The following PKD1L1 variants were observed in gnomAD, a reference collection of about 807,000 sequenced individuals.
PKD1L1 encodes polycystin 1 like 1, transient receptor potential channel interacting.
Under a neutral mutation model 323.4 loss-of-function variants are expected in PKD1L1, and 236 were observed. That is an observed-to-expected ratio of 0.73 (90% CI 0.66 to 0.81). The LOEUF (loss-of-function observed/expected upper bound fraction) is 0.81. Ranked by LOEUF, PKD1L1 falls within the 40% of genes least tolerant of loss-of-function variation. The pLI is 0.00. For missense variants in PKD1L1, 3,320 were observed against 3,508.0 expected (o/e 0.95, Z 1.35); for synonymous variants, 1,344 against 1,335.0 (o/e 1.01, Z -0.15).
chr7:47,851,528 T>A (rs1262481679), intron 31 of PKD1L1, among the ~76,000 whole-genome samples: 1 of 152,128 alleles, frequency 6.6e-6, no homozygotes, highest in East Asian at 1.9e-4. Context: ...CATGGTGGAA[T>A]TAGCAAATCA....
Position 47,932,000 on chromosome 7 carries a change from C to T in PKD1L1, c.455G>A (p.Arg152Lys). The T allele has an allele frequency of 6.2e-7, 1 of 1,614,130 alleles. No individual in the cohort carries two copies. The highest frequency in any genetic ancestry group is 8.5e-7 in the Non-Finnish European group (1 of 1,179,980). The change falls in exon 5 of 57, where the codon AGG becomes AAG. Residue 152 changes from arginine to lysine, a missense_variant. Arg to Lys is a conservative substitution (Grantham distance 26, BLOSUM62 2). Coordinates refer to ENST00000289672, the MANE Select transcript of PKD1L1 (RefSeq NM_138295.5). Reference sequence around the variant, plus strand: ...AGCACACAGCCGCCTGTGATGGAACCTGGGGCCACCACTGCTCCAGGCCCT... The same window carrying T: ...AGCACACAGCCGCCTGTGATGGAACTTGGGGCCACCACTGCTCCAGGCCCT... ...IARAWSSGGP[R>K]FHHRRLCATG...
At chr7:47,792,832 C>T in intron 55 of PKD1L1, 35 bp from the exon 56 acceptor site, 1 of 1,559,740 alleles carries the variant, frequency 6.4e-7, no homozygotes, top group Non-Finnish European at 8.8e-7. Flanking sequence ...TAAATGCATT[C>T]AAGAATCTCA....
intron 53 of PKD1L1, 116 bp downstream of exon 53, chr7:47,803,094 A>T (rs1784699843): frequency 7.7e-7 from 1 of 1,293,338 alleles, no homozygotes; most frequent in Middle Eastern, 2.0e-4. Context: ...AGAAGACTGG[A>T]ATTCTAGACG....
At chr7:47,801,243 G>A (rs1784655812) in intron 53 of PKD1L1, among the ~76,000 whole-genome samples, 1 of 152,144 alleles carries the variant, frequency 6.6e-6, no homozygotes, top group African/African-American at 2.4e-5. Context: ...TGAGGGGGCA[G>A]CTCCCTCATG....
chr7:47,950,554 A>T (rs959171113), upstream of PKD1L1, among the ~76,000 whole-genome samples: 2 of 152,016 alleles, frequency 1.3e-5, no homozygotes, highest in Non-Finnish European at 2.9e-5. Context: ...CTAAAAATAC[A>T]AAAAAATTAG....
At chr7:47,919,026 G>T (rs2128753247) in intron 7 of PKD1L1, among the ~76,000 whole-genome samples, 1 of 151,984 alleles carries the variant, frequency 6.6e-6, no homozygotes, top group East Asian at 1.9e-4. Context: ...GATCAGAGCA[G>T]AACTAAATGA....
At chr7:47,814,697 A>G (rs2128730521) in intron 47 of PKD1L1, among the ~76,000 whole-genome samples, 1 of 152,282 alleles carries the variant, frequency 6.6e-6, no homozygotes, top group Admixed American at 6.5e-5. Flanking sequence ...TATTTTTAGT[A>G]GAGACAGGGT....
chr7:47,880,287 T>A lies in PKD1L1; in HGVS notation c.3520+441A>T, dbSNP rs1343999404. 2.4e-3 allele frequency among the ~76,000 whole-genome samples: 243 copies of A among 101,442 alleles called. 1 individual carries two copies. The highest frequency in any genetic ancestry group is 9.6e-3 in the African/African-American group (198 of 20,622). The allele number at this position is 101,442 out of a possible 152,430, so 66.5% of individuals were successfully genotyped here. The stretch of plus-strand genomic sequence containing the variant: ...ATACATATATATATATATATATATT[T>A]TTTTTTTTTTTTTTGAGACAGTCTT... On this transcript the variant is annotated intron_variant, in intron 21 of 56. Transcript: ENST00000289672.
intron 51 of PKD1L1, 29 bp downstream of exon 51, chr7:47,809,444 T>C (rs1324927730): frequency 6.9e-7 from 1 of 1,451,064 alleles, no homozygotes; most frequent in African/African-American, 1.4e-5. Flanking sequence ...TTGTTATTTT[T>C]CAAAAGAAAA....
At chr7:47,784,475 G>A (rs977179019) in intron 56 of PKD1L1, among the ~76,000 whole-genome samples, 14 of 151,910 alleles carry the variant, frequency 9.2e-5, no homozygotes, top group Admixed American at 7.9e-4. Flanking sequence ...TAATACAATA[G>A]CTTCTTTTTT....
intron 7 of PKD1L1, among the ~76,000 whole-genome samples, chr7:47,919,889 G>C (rs746446389): frequency 1.3e-5 from 2 of 152,102 alleles, no homozygotes; most frequent in African/African-American, 2.4e-5. Flanking sequence ...AGCCAACTAT[G>C]ACAGACCCAC....
chr7:47,873,123 G>A (rs908407116), intron 24 of PKD1L1, among the ~76,000 whole-genome samples: 4 of 152,158 alleles, frequency 2.6e-5, no homozygotes, highest in Admixed American at 2.6e-4. Context: ...CAAACCTGTA[G>A]ATATTAAATA....
intron 46 of PKD1L1, chr7:47,819,991 G>T (rs950420328): frequency 4.8e-6 from 1 of 209,402 alleles, no homozygotes; most frequent in Non-Finnish European, 9.4e-6. Context: ...AGTAAATAAG[G>T]TAACTCCTGG....
Position 47,915,175 on chromosome 7 carries a change from C to T in PKD1L1, c.1228+257G>A, listed in dbSNP as rs73333698. ...GCAAACCTCCTCTAAATGATCAGTC[C>T]CCAGAGGCGCGTGGGAATGAGACAG... On this transcript the variant is annotated intron_variant, in intron 8 of 56. Transcript: ENST00000289672. Among the ~76,000 whole-genome samples, 8,495 of 152,168 alleles carry T rather than the reference C, an allele frequency of 0.056. 808 individuals carry two copies. The highest frequency in any genetic ancestry group is 0.19 in the African/African-American group (8,078 of 41,460).
At chr7:47,832,065 A>G (rs539721778) in intron 41 of PKD1L1, among the ~76,000 whole-genome samples, 1 of 152,372 alleles carries the variant, frequency 6.6e-6, no homozygotes, top group East Asian at 1.9e-4. Context: ...GCAGGATGCC[A>G]TGTCAACCTA....
chr7:47,907,493 T>C (rs1234265179), intron 9 of PKD1L1, among the ~76,000 whole-genome samples: 1 of 152,188 alleles, frequency 6.6e-6, no homozygotes, highest in Non-Finnish European at 1.5e-5. Context: ...ATACCTCCCT[T>C]ACAGGTAGCT....
upstream of PKD1L1, among the ~76,000 whole-genome samples, chr7:47,948,956 G>GAAACAAAACA (rs1008458380): frequency 1.3e-5 from 2 of 152,060 alleles, 1 homozygote; most frequent in South Asian, 4.1e-4. Flanking sequence ...AAAACAAAAT[G>GAAACAAAACA]AAACAAAACA....
chr7:47,920,759 T>G lies in PKD1L1; in HGVS notation c.1061-5160A>C, dbSNP rs368268672. Among the ~76,000 whole-genome samples, 27 of 152,284 alleles carry G rather than the reference T, an allele frequency of 1.8e-4. No individual in the cohort carries two copies. The East Asian group carries it at 3.1e-3, about 17-fold the overall frequency. On this transcript the variant is annotated intron_variant, in intron 7 of 56. Transcript: ENST00000289672. Reference sequence around the variant, plus strand: ...CCCAAACACTTAGAGCCAACTGATCTGCAACAAAGCAAACAAAAACATAAA... The same window carrying G: ...CCCAAACACTTAGAGCCAACTGATCGGCAACAAAGCAAACAAAAACATAAA...
At position 47,839,208 on chromosome 7, in the gene PKD1L1, A is replaced by G. The variant is rs540046325; in HGVS notation, c.5769+238T>C. Among the ~76,000 whole-genome samples, 17 of 152,374 alleles carry G rather than the reference A, an allele frequency of 1.1e-4. 1 individual carries two copies. The highest frequency in any genetic ancestry group is 8.5e-4 in the Admixed American group (13 of 15,312). On this transcript the variant is annotated intron_variant, in intron 36 of 56. Coordinates refer to ENST00000289672, the MANE Select transcript of PKD1L1 (RefSeq NM_138295.5). This position sits in a 1 kb window ranked among gnomAD's most constrained non-coding sequence, Gnocchi z 4.3. ...CATAAATTCCAGCAATGCTATTACA[A>G]TTACAGAGAAGCATTACTACAATAA... is the stretch of plus-strand genomic sequence containing the variant.
Sources: allele counts gnomAD v4.1 joint callset (sites outside exome capture counted in the v4.1 genomes callset), GRCh38; gene constraint gnomAD v4.1.1; non-coding constraint Gnocchi (gnomAD v3.1); transcripts MANE v1.5; gene names NCBI Gene and HGNC (gene_info 2026-07-23, HGNC 2026-07-21).